Variants in ALPK2 observed in about 807,000 individuals in gnomAD.
ALPK2 encodes the protein alpha kinase 2.
ALPK2 carries 127 observed loss-of-function variants against 163.1 expected under a neutral mutation model. That is an observed-to-expected ratio of 0.78 (90% confidence interval 0.67 to 0.90). The LOEUF (loss-of-function observed/expected upper bound fraction) is 0.90. Among genes scored for constraint, ALPK2 ranks in the 40% least tolerant of loss-of-function variants. The pLI is 0.00. For synonymous variants in ALPK2, 953 were observed against 959.1 expected, an observed-to-expected ratio of 0.99 and a Z score of 0.12; for missense variants, 2,360 against 2,589.6, an observed-to-expected ratio of 0.91 and a Z score of 1.92.
At chr18:58,501,567 G>A (rs2051431571) in intron 11 of ALPK2, among the ~76,000 whole-genome samples, 1 of 152,212 alleles carries the variant, frequency 6.6e-6, no homozygotes, top group Non-Finnish European at 1.5e-5. Flanking sequence ...CATCAGGAGA[G>A]ACTTGGAAAG....
At chr18:58,626,846 A>T (rs902629658) in intron 1 of ALPK2, among the ~76,000 whole-genome samples, 1 of 151,712 alleles carries the variant, frequency 6.6e-6, no homozygotes, top group Non-Finnish European at 1.5e-5. Context: ...CTATTACTTT[A>T]TATAGTTTAT....
chr18:58,598,853 C>T (rs1026824756), intron 3 of ALPK2, among the ~76,000 whole-genome samples: 10 of 152,310 alleles, frequency 6.6e-5, no homozygotes, highest in Admixed American at 3.3e-4. Context: ...CAAGGTAGGG[C>T]TGACTCCAAG....
chr18:58,533,614 C>T (rs2051627603), intron 5 of ALPK2, among the ~76,000 whole-genome samples: 1 of 151,860 alleles, frequency 6.6e-6, no homozygotes, highest in Non-Finnish European at 1.5e-5. Context: ...GCCACCATAC[C>T]CAGCTAATTT....
rs2051598681 is a variant in ALPK2, at chr18:58,529,106, G to T, written c.5486C>A (p.Ala1829Asp). 1 of 1,613,934 alleles carries T rather than the reference G, an allele frequency of 6.2e-7. No individual in the cohort carries two copies. The highest frequency in any genetic ancestry group is 1.7e-5 in the Admixed American group (1 of 60,006). ...ICWTKDSKSI[A>D]QVQRSAGDNS... is the part of the protein sequence containing the mutation. ...AACATCGCACCTTCTCTGCACTTGG[G>T]CTATGGACTTTGAATCTTTTGTCCA... Residue 1829 changes from alanine to aspartate, a missense_variant, in exon 6 of 13, where the codon GCC becomes GAC. Ala to Asp is a moderately radical substitution (Grantham distance 126). Transcript: ENST00000361673.
chr18:58,531,793 C>T (rs1241588938), intron 5 of ALPK2, among the ~76,000 whole-genome samples: 3 of 151,570 alleles, frequency 2.0e-5, no homozygotes, highest in Non-Finnish European at 4.4e-5. Context: ...CAAAAATTAG[C>T]TGGGCATGGT....
intron 12 of ALPK2, among the ~76,000 whole-genome samples, chr18:58,489,839 G>A (rs1468075204): frequency 6.6e-6 from 1 of 152,158 alleles, no homozygotes; most frequent in Admixed American, 6.5e-5. Flanking sequence ...TTTGGGAGCT[G>A]TAATCCCAGC....
chr18:58,530,436 C>A (rs1289915293), intron 5 of ALPK2, among the ~76,000 whole-genome samples: 1 of 152,200 alleles, frequency 6.6e-6, no homozygotes, highest in Non-Finnish European at 1.5e-5. Context: ...GGTTCCTGCC[C>A]AAGCTGAGAC....
intron 11 of ALPK2, among the ~76,000 whole-genome samples, chr18:58,498,901 C>T (rs573037871): frequency 6.6e-4 from 101 of 152,288 alleles, no homozygotes; most frequent in African/African-American, 2.3e-3. Context: ...ATGTCTTTAT[C>T]GGCAGTGTGA....
At chr18:58,576,571 C>T (rs1295387873) in intron 4 of ALPK2, among the ~76,000 whole-genome samples, 1 of 152,128 alleles carries the variant, frequency 6.6e-6, no homozygotes, top group Admixed American at 6.5e-5. Flanking sequence ...GAATTTAATT[C>T]CCAGTGACCC....
At chr18:58,482,419 A>C (rs892522848) in intron 12 of ALPK2, among the ~76,000 whole-genome samples, 1 of 152,220 alleles carries the variant, frequency 6.6e-6, no homozygotes, top group Non-Finnish European at 1.5e-5. Flanking sequence ...CACACCGAGA[A>C]GTTCTCAATA....
chr18:58,613,526 C>G (rs1443293280), intron 1 of ALPK2, among the ~76,000 whole-genome samples: 1 of 151,828 alleles, frequency 6.6e-6, no homozygotes, highest in Non-Finnish European at 1.5e-5. Flanking sequence ...AACCCTGTCT[C>G]TACTGAAAAT....
chr18:58,532,490 C>A (rs948361532), intron 5 of ALPK2, among the ~76,000 whole-genome samples: 1 of 152,164 alleles, frequency 6.6e-6, no homozygotes, highest in African/African-American at 2.4e-5. Flanking sequence ...TGCTCCGTCA[C>A]CAGATGACTC....
chr18:58,486,321 G>A (rs1016520700), intron 12 of ALPK2, among the ~76,000 whole-genome samples: 3 of 152,100 alleles, frequency 2.0e-5, no homozygotes, highest in Admixed American at 6.5e-5. Context: ...AGCTACCTTC[G>A]AGCCCCAGCT....
At chr18:58,549,349 G>A (rs1171065357) in intron 4 of ALPK2, among the ~76,000 whole-genome samples, 3 of 152,200 alleles carry the variant, frequency 2.0e-5, no homozygotes, top group Non-Finnish European at 4.4e-5. Context: ...GGAGGACTAT[G>A]GTGCAGATTA....
In ALPK2 at chr18:58,526,893, A is replaced by G. The variant is rs192887833; in HGVS notation, c.5501+2198T>C. On this transcript the variant is annotated intron_variant, in intron 6 of 12. Coordinates refer to ENST00000361673, the MANE Select transcript of ALPK2 (RefSeq NM_052947.4). The stretch of plus-strand genomic sequence containing the variant: ...ATCTAGTGAAAGAGAATGCTTTGCT[A>G]TTTCCCATTTACACAGAACCCACTC... 3.4e-3 allele frequency among the ~76,000 whole-genome samples: 515 copies of G among 152,344 alleles called. 7 individuals carry two copies. Among genetic ancestry groups the G allele is most frequent in the Non-Finnish European group, 3.7e-3 (251 of 68,036 alleles).
intron 10 of ALPK2, among the ~76,000 whole-genome samples, chr18:58,508,504 C>G (rs1368293452): frequency 6.6e-6 from 1 of 152,184 alleles, no homozygotes; most frequent in East Asian, 1.9e-4. Context: ...GATAAAACAG[C>G]CTGAAATAAA....
At chr18:58,578,733 G>GACACACACACGCACGCGCGCGC in intron 4 of ALPK2, 81 bp downstream of exon 4, 3 of 530,150 alleles carry the variant, frequency 5.7e-6, no homozygotes, top group Non-Finnish European at 9.2e-6. Flanking sequence ...TAAAGGAAGA[G>GACACACACACGCACGCGCGCGC]ACACACACAC....
intron 12 of ALPK2, among the ~76,000 whole-genome samples, chr18:58,497,323 G>A (rs904170314): frequency 6.6e-6 from 1 of 152,190 alleles, no homozygotes; most frequent in Non-Finnish European, 1.5e-5. Flanking sequence ...GAGCAGGAGT[G>A]GGCAAAGGCG....
intron 3 of ALPK2, among the ~76,000 whole-genome samples, chr18:58,597,806 T>G (rs1348468229): frequency 6.6e-6 from 1 of 152,196 alleles, no homozygotes; most frequent in Non-Finnish European, 1.5e-5. Flanking sequence ...AGGCAGGGCC[T>G]CTGGGAGGTG....
Sources: gnomAD v4.1 joint callset for allele counts (sites outside exome capture counted in the v4.1 genomes callset) on GRCh38, gnomAD v4.1.1 for gene constraint, MANE v1.5 for transcripts, NCBI Gene and HGNC (gene_info 2026-07-23, HGNC 2026-07-21) for gene names.